PON2: variants seen among roughly 807,000 people sequenced by gnomAD.
PON2 encodes the protein paraoxonase 2, also known as serum paraoxonase/arylesterase 2.
A neutral mutation model predicts 36.6 loss-of-function variants in PON2; 27 were observed. That is an observed-to-expected ratio of 0.74 (90% CI 0.54 to 1.02). PON2 has a LOEUF of 1.02. Ranked by LOEUF, PON2 falls within the 50% of genes least tolerant of loss-of-function variation. The pLI, the probability that PON2 is intolerant of heterozygous loss-of-function variation, is 0.00. For synonymous variants in PON2, 149 were observed against 156.3 expected (o/e 0.95, Z 0.35); for missense variants, 363 against 421.1 (o/e 0.86, Z 1.21).
chr7:95,426,222 C>T (rs188798414), intron 1 of PON2, among the ~76,000 whole-genome samples: 33 of 151,940 alleles, frequency 2.2e-4, no homozygotes, highest in African/African-American at 7.7e-4. Flanking sequence ...AAAACCTGCA[C>T]ATGTACCCCT....
intron 1 of PON2, among the ~76,000 whole-genome samples, chr7:95,424,907 T>C (rs1388219760): frequency 2.0e-5 from 3 of 152,128 alleles, no homozygotes; most frequent in Non-Finnish European, 2.9e-5. Flanking sequence ...TTTCTCAGTG[T>C]TGGTGTTGTG....
intron 5 of PON2, 150 bp from the exon 6 acceptor site, chr7:95,410,251 C>G (rs1788889563): frequency 2.9e-6 from 2 of 682,404 alleles, no homozygotes; most frequent in Non-Finnish European, 5.1e-6. Flanking sequence ...TAGTCATATA[C>G]AATATACTAT....
In PON2 at chr7:95,416,303, A is replaced by G. The variant is rs535630690; in HGVS notation, c.146-6T>C. On this transcript the variant is annotated splice_region_variant and splice_polypyrimidine_tract_variant and intron_variant, in intron 2 of 8. Coordinates refer to ENST00000222572, the MANE Select transcript of PON2 (RefSeq NM_000305.3). ...AATATCTTCAGAGCCAGCTTCTGTA[A>G]GTTTAAGGAACAGATAAATGTCATG... The G allele has an allele frequency of 1.2e-6, 2 of 1,613,556 alleles. No individual in the cohort carries two copies. The highest frequency in any genetic ancestry group is 1.3e-5 in the African/African-American group (1 of 75,052).
chr7:95,424,195 C>A, intron 2 of PON2: 1 of 368,332 alleles, frequency 2.7e-6, no homozygotes, highest in Non-Finnish European at 5.1e-6. Context: ...ACAAGGCTCA[C>A]AGAACACAGA....
At chr7:95,416,749 T>G (rs965746551) in intron 2 of PON2, among the ~76,000 whole-genome samples, 1 of 152,228 alleles carries the variant, frequency 6.6e-6, no homozygotes, top group Non-Finnish European at 1.5e-5. Flanking sequence ...GTAAAACACC[T>G]GGGATTATAT....
At chr7:95,412,270 C>T in intron 4 of PON2, 42 bp downstream of exon 4, 5 of 1,604,850 alleles carry the variant, frequency 3.1e-6, no homozygotes, top group Non-Finnish European at 4.3e-6. Context: ...CATTTGTGAA[C>T]CATCACACGT....
At chr7:95,412,595 C>CTACTTT in intron 3 of PON2, 118 bp from the exon 4 acceptor site, 1 of 970,934 alleles carries the variant, frequency 1.0e-6, no homozygotes, top group Non-Finnish European at 1.6e-6. Context: ...CATAAAGCCA[C>CTACTTT]AAAAACTCAA....
chr7:95,418,627 C>G (rs1480969323), intron 2 of PON2, among the ~76,000 whole-genome samples: 3 of 152,108 alleles, frequency 2.0e-5, no homozygotes, highest in East Asian at 3.8e-4. Context: ...CCTTTTCTGT[C>G]TTTTTCGTAT....
At chr7:95,406,281 C>T in intron 7 of PON2, 34 bp from the exon 8 acceptor site, 2 of 1,595,594 alleles carry the variant, frequency 1.3e-6, no homozygotes, top group South Asian at 1.1e-5. Context: ...ATCTAAATGA[C>T]ATGAGAAACT....
At chr7:95,430,559 A>G (rs928840583) in intron 1 of PON2, among the ~76,000 whole-genome samples, 1 of 151,806 alleles carries the variant, frequency 6.6e-6, no homozygotes, top group Non-Finnish European at 1.5e-5. Flanking sequence ...TCAGCCTCCC[A>G]AAGTGCTGGG....
chr7:95,415,313 T>C (rs1300879582), intron 3 of PON2: 1 of 152,190 alleles, frequency 6.6e-6, no homozygotes, highest in Non-Finnish European at 1.5e-5. Flanking sequence ...CAAGCTAGTT[T>C]CAACAATATT....
At chr7:95,433,356 T>G (rs895537999) in intron 1 of PON2, among the ~76,000 whole-genome samples, 4 of 152,154 alleles carry the variant, frequency 2.6e-5, no homozygotes, top group African/African-American at 9.7e-5. Context: ...GGCTTAGGCC[T>G]CCAACAGTGC....
chr7:95,410,034 G>T lies in PON2; in HGVS notation c.562C>A (p.Pro188Thr), dbSNP rs1022670602. The T allele has an allele frequency of 6.2e-7, 1 of 1,613,706 alleles. No individual in the cohort carries two copies. The highest frequency in any genetic ancestry group is 8.5e-7 in the Non-Finnish European group (1 of 1,179,742). Residue 188 changes from proline (P) to threonine (T), a missense_variant, in exon 6 of 9, where the codon CCT (proline) becomes ACT (threonine). Transcript: ENST00000222572. ...TATGTTTCTAAATACTTTAAGAAAG[G>T]ATCAGAGAAGTAGTGGTCATTTGTG... ...YATNDHYFSD[P>T]FLKYLETYLN...
At chr7:95,434,781 C>T (rs1789524813) in intron 1 of PON2, 97 bp downstream of exon 1, 21 of 1,382,744 alleles carry the variant, frequency 1.5e-5, no homozygotes, top group Admixed American at 2.2e-5. Flanking sequence ...GGCCAGGTCC[C>T]GCAGGAATCC....
intron 1 of PON2, among the ~76,000 whole-genome samples, chr7:95,426,140 G>A (rs1789310710): frequency 6.6e-6 from 1 of 151,996 alleles, no homozygotes; most frequent in Non-Finnish European, 1.5e-5. Context: ...AAACTATAGG[G>A]TACTATACTC....
intron 5 of PON2, 93 bp downstream of exon 5, chr7:95,411,560 T>G: frequency 6.9e-7 from 1 of 1,454,830 alleles, no homozygotes; most frequent in Non-Finnish European, 9.6e-7. Context: ...AATATATACA[T>G]TAGCGCTTAT....
chr7:95,427,509 A>G (rs1212654802), intron 1 of PON2, among the ~76,000 whole-genome samples: 2 of 152,144 alleles, frequency 1.3e-5, no homozygotes, highest in African/African-American at 4.8e-5. Flanking sequence ...GCATCACTCA[A>G]TCTCCTTTCT....
In PON2 at chr7:95,410,207, G is replaced by A. The variant is rs141247672; in HGVS notation, c.495-106C>T. On this transcript the variant is annotated intron_variant, in intron 5 of 8. Coordinates refer to ENST00000222572, the MANE Select transcript of PON2 (RefSeq NM_000305.3). ...ATGCAACATGTGCTTTAAATTTTTG[G>A]TAAGAGGAAAAGACGAGCTAAAAAT... 1.3e-4 allele frequency: 129 copies of A among 974,900 alleles called. No homozygotes were observed. In the African/African-American group the frequency reaches 1.9e-3, roughly 15 times the overall value. 60.4% of individuals were successfully genotyped at this position (974,900 alleles called of 1,614,324 possible).
rs1176716231 is a variant in PON2 at position 95,405,426 on chromosome 7, AT to A, written c.968del (p.Asn323MetfsTer10). 1 of 1,613,758 alleles carries A rather than the reference AT, an allele frequency of 6.2e-7. No individual in the cohort carries two copies. Among genetic ancestry groups the A allele is most frequent in the Admixed American group, 1.7e-5 (1 of 60,024 alleles). ...KPTVTTVYAN[N>X]GSVLQGSSVA... ...CAGAACTTCCTTGGAGAACAGACCC[AT>A]TGTTGGCATAAACTGTAGTCACTGT... On this transcript the variant is annotated frameshift_variant, in exon 9 of 9. Coordinates refer to ENST00000222572, the MANE Select transcript of PON2 (RefSeq NM_000305.3). LOFTEE classifies it high-confidence loss of function.
Sources: gnomAD v4.1 joint callset for allele counts (sites outside exome capture counted in the v4.1 genomes callset) on GRCh38, gnomAD v4.1.1 for gene constraint, MANE v1.5 for transcripts, NCBI Gene and HGNC (gene_info 2026-07-23, HGNC 2026-07-21) for gene names.